The following LMLN variants were observed in gnomAD, a reference collection of about 807,000 sequenced individuals.
LMLN encodes leishmanolysin like peptidase.
In LMLN, 70 loss-of-function variants were observed where a neutral mutation model predicts 92.3. The ratio of observed to expected loss-of-function variants is 0.76; its 90% CI spans 0.63 to 0.92. The LOEUF (loss-of-function observed/expected upper bound fraction) is 0.92, where lower values mean the gene tolerates loss of function less well. LMLN is among the 40% of genes least tolerant of loss of function. The pLI, the probability that LMLN is intolerant of heterozygous loss-of-function variation, is 0.00. For synonymous variants in LMLN, 308 were observed against 296.2 expected, an observed-to-expected ratio of 1.04 and a Z score of -0.41; for missense variants, 691 against 814.6, an observed-to-expected ratio of 0.85 and a Z score of 1.85.
chr3:197,960,419 C>G, exon 1 of LMLN: 2 of 1,613,888 alleles, frequency 1.2e-6, no homozygotes, highest in South Asian at 1.1e-5. Flanking sequence ...CCTGCCGGCA[C>G]CACGTCCCCT....
At chr3:197,973,881 A>G (rs1200446247) in intron 1 of LMLN, among the ~76,000 whole-genome samples, 1 of 152,204 alleles carries the variant, frequency 6.6e-6, no homozygotes, top group South Asian at 2.1e-4. Context: ...AGAGTTTCCT[A>G]AAGTGTTGAT....
intron 1 of LMLN, among the ~76,000 whole-genome samples, chr3:197,968,419 G>C (rs2109845751): frequency 6.6e-6 from 1 of 151,810 alleles, no homozygotes; most frequent in East Asian, 1.9e-4. Context: ...TTGCACCACT[G>C]TACTCCAGCC....
chr3:198,025,255 C>T lies in LMLN; in HGVS notation c.1656+467C>T, dbSNP rs574573801. Reference sequence around the variant, plus strand: ...TTCGAGACCATCCTAGGCAACAAAGCGAGACCCTGTCTCCAAAAAATAAAG... The same window carrying T: ...TTCGAGACCATCCTAGGCAACAAAGTGAGACCCTGTCTCCAAAAAATAAAG... On this transcript the variant is annotated intron_variant, in intron 14 of 15. Coordinates refer to ENST00000330198, the Ensembl canonical transcript of LMLN. This position sits in a 1 kb window ranked among gnomAD's most constrained non-coding sequence, Gnocchi z 4.3. 4.4e-4 allele frequency among the ~76,000 whole-genome samples: 65 copies of T among 148,828 alleles called. 1 individual carries two copies. In the South Asian group the frequency reaches 0.012, roughly 27 times the overall value.
chr3:198,002,569 C>A (rs541752524), intron 11 of LMLN, among the ~76,000 whole-genome samples: 1 of 152,298 alleles, frequency 6.6e-6, no homozygotes, highest in East Asian at 1.9e-4. Context: ...GAAACCCCGT[C>A]TCTACTAAAA....
At chr3:198,006,641 C>T (rs944521004) in intron 11 of LMLN, among the ~76,000 whole-genome samples, 2 of 151,940 alleles carry the variant, frequency 1.3e-5, no homozygotes, top group South Asian at 4.2e-4. Flanking sequence ...GTTTCCCTAA[C>T]GGCTAATGAT....
At chr3:198,028,053 A>G (rs1722982356) in intron 14 of LMLN, among the ~76,000 whole-genome samples, 1 of 152,170 alleles carries the variant, frequency 6.6e-6, no homozygotes, top group African/African-American at 2.4e-5. Flanking sequence ...TGGAAGGTAC[A>G]GAGAGTTCCC....
intron 14 of LMLN, among the ~76,000 whole-genome samples, chr3:198,027,735 T>G (rs1396021255): frequency 1.3e-5 from 2 of 152,230 alleles, no homozygotes; most frequent in Non-Finnish European, 2.9e-5. Flanking sequence ...CTCCATTGTA[T>G]GGATCTGTCA....
intron 14 of LMLN, among the ~76,000 whole-genome samples, chr3:198,034,469 G>A (rs1337741548): frequency 6.6e-6 from 1 of 152,042 alleles, no homozygotes; most frequent in Non-Finnish European, 1.5e-5. Flanking sequence ...AATTTAGCTG[G>A]GTGTGGTAGC....
At chr3:198,037,737 T>C (rs1352328225) in intron 15 of LMLN, among the ~76,000 whole-genome samples, 1 of 152,234 alleles carries the variant, frequency 6.6e-6, no homozygotes, top group Non-Finnish European at 1.5e-5. Flanking sequence ...CCTACTGCTA[T>C]AAAAATATTT....
intron 1 of LMLN, among the ~76,000 whole-genome samples, chr3:197,966,476 T>C (rs1214727626): frequency 6.6e-6 from 1 of 152,284 alleles, no homozygotes; most frequent in East Asian, 1.9e-4. Flanking sequence ...AAATATTAAT[T>C]GTGGAGTTTT....
intron 3 of LMLN, among the ~76,000 whole-genome samples, chr3:197,975,488 TGCACACACACGCGCACGTGCAC>T (rs575567655): frequency 0.013 from 1,989 of 152,154 alleles, 45 homozygotes; most frequent in African/African-American, 0.045. Context: ...CATGCACGCA[TGCACACACACGCGCACGTGCAC>T]GCACACACAT....
At chr3:198,036,455 A>G (rs924932312) in intron 15 of LMLN, among the ~76,000 whole-genome samples, 4 of 152,170 alleles carry the variant, frequency 2.6e-5, no homozygotes, top group Admixed American at 6.5e-5. Context: ...AGATACCGAA[A>G]AAAGGAATTG....
At position 198,025,980 on chromosome 3, in the gene LMLN, AG is replaced by A. The variant is rs1251061273; in HGVS notation, c.1656+1195del. Among the ~76,000 whole-genome samples, 1 of 151,876 alleles carries A rather than the reference AG, an allele frequency of 6.6e-6. No homozygotes were observed. Among genetic ancestry groups the A allele is most frequent in the Non-Finnish European group, 1.5e-5 (1 of 67,950 alleles). ...CTTCTTTTCTGTTTTTTTTTGAGACAGGGTTTTGCTCTGTCACCCAGGCTAG... is the reference window on the plus strand; with the variant it reads ...CTTCTTTTCTGTTTTTTTTTGAGACAGGTTTTGCTCTGTCACCCAGGCTAG... On this transcript the variant is annotated intron_variant, in intron 14 of 15. Transcript: ENST00000330198. This position sits in a 1 kb window ranked among gnomAD's most constrained non-coding sequence, Gnocchi z 4.3.
chr3:198,023,615 G>C (rs1722840639), intron 13 of LMLN, among the ~76,000 whole-genome samples: 2 of 152,124 alleles, frequency 1.3e-5, no homozygotes, highest in Non-Finnish European at 2.9e-5. Flanking sequence ...ATCAAAACTG[G>C]CATAAAACAC....
In LMLN at chr3:198,031,140, C is replaced by T. The variant is rs1260663735; in HGVS notation, c.1657-4693C>T. Among the ~76,000 whole-genome samples the T allele has an allele frequency of 6.6e-6, 1 of 152,156 alleles. No individual in the cohort carries two copies. The highest frequency in any genetic ancestry group is 1.5e-5 in the Non-Finnish European group (1 of 68,024). On this transcript the variant is annotated intron_variant, in intron 14 of 15. Coordinates refer to ENST00000330198, the Ensembl canonical transcript of LMLN. This position sits in a 1 kb window ranked among gnomAD's most constrained non-coding sequence, Gnocchi z 4.8. ...ATCTAAGTTTTACATGACACAGGAG[C>T]CCACATGAGTAAATGAAAACTCAAA...
At chr3:198,018,597 T>C (rs549654890) in intron 11 of LMLN, among the ~76,000 whole-genome samples, 6 of 152,232 alleles carry the variant, frequency 3.9e-5, no homozygotes, top group Non-Finnish European at 7.3e-5. Context: ...ACCATGTTCA[T>C]TTAAATAAGA....
chr3:197,978,440 A>G (rs1721465562), intron 5 of LMLN, among the ~76,000 whole-genome samples: 1 of 152,162 alleles, frequency 6.6e-6, no homozygotes, highest in Non-Finnish European at 1.5e-5. Context: ...GTTTAAGACT[A>G]GCCTTGGCAA....
chr3:197,988,934 C>T (rs1393429523), intron 8 of LMLN, among the ~76,000 whole-genome samples: 3 of 152,176 alleles, frequency 2.0e-5, no homozygotes, highest in Non-Finnish European at 2.9e-5. Flanking sequence ...TCGCCCATCT[C>T]GGCCTCCCAA....
chr3:198,006,332 T>C (rs1283440017), intron 11 of LMLN, among the ~76,000 whole-genome samples: 5 of 152,210 alleles, frequency 3.3e-5, no homozygotes, highest in Non-Finnish European at 7.3e-5. Context: ...GAAGGACATC[T>C]GGATTGTTTC....
Sources: allele counts gnomAD v4.1 joint callset (sites outside exome capture counted in the v4.1 genomes callset), GRCh38; gene constraint gnomAD v4.1.1; non-coding constraint Gnocchi (gnomAD v3.1); transcripts MANE v1.5; gene names NCBI Gene and HGNC (gene_info 2026-07-23, HGNC 2026-07-21).